Variants in TSTD1 observed in about 807,000 individuals in gnomAD.
The protein encoded by TSTD1 is thiosulfate sulfurtransferase like domain containing 1.
Under a neutral mutation model 12.6 loss-of-function variants are expected in TSTD1, and 7 were observed. The observed-to-expected ratio is 0.55, with a 90% CI of 0.32 to 1.04. The LOEUF is 1.04. Among genes scored for constraint, TSTD1 ranks in the 50% least tolerant of loss-of-function variants. The probability of loss-of-function intolerance (pLI) is 0.05; values close to 1 mark genes in which losing one functional copy is unlikely to be tolerated. For synonymous variants in TSTD1, 73 were observed against 59.7 expected (o/e 1.22, Z -1.03); for missense variants, 156 against 151.0 (o/e 1.03, Z -0.17).
In TSTD1 at chr1:161,037,978, G is replaced by A. The variant is rs1368198855; in HGVS notation, c.231C>T (p.Phe77=). 10 of 1,551,672 alleles carry A rather than the reference G, an allele frequency of 6.4e-6. No individual in the cohort carries two copies. The East Asian group carries it at 2.2e-4, about 34-fold the overall frequency. The part of the protein sequence containing the change: ...KPKLEDEHLV[F]FCQMGKRGLQ... ...GGCCCCGCTTGCCCATCTGACAGAA[G>A]AAAACGAGATGCTCATCTTCCAGCT... Residue 77 remains phenylalanine, a synonymous_variant, in exon 3 of 4, where the codon TTC becomes TTT. Coordinates refer to ENST00000423014, the MANE Select transcript of TSTD1 (RefSeq NM_001113207.2).
At chr1:161,038,297 T>C (rs887397810) in intron 2 of TSTD1, 2 of 671,974 alleles carry the variant, frequency 3.0e-6, no homozygotes, top group Admixed American at 3.0e-5. Flanking sequence ...GCGTCCAGAT[T>C]TGGGGAGGTC....
At chr1:161,037,885 C>T in intron 3 of TSTD1, 28 bp downstream of exon 3, 1 of 1,551,790 alleles carries the variant, frequency 6.4e-7, no homozygotes, top group Non-Finnish European at 8.7e-7. Flanking sequence ...CCCATCACCT[C>T]CCAGCTAGCA....
At position 161,037,956 on chromosome 1, in the gene TSTD1, C is replaced by T; in HGVS notation, c.253G>A (p.Gly85Ser). 3 of 1,551,812 alleles carry T rather than the reference C, an allele frequency of 1.9e-6. No individual in the cohort carries two copies. In the South Asian group the frequency reaches 3.6e-5, roughly 18 times the overall value. Residue 85 changes from glycine to serine, a missense_variant, in exon 3 of 4, where the codon GGC becomes AGC. Physicochemically the swap from Gly to Ser is moderately conservative, Grantham distance 56. Transcript: ENST00000423014. ...LVFFCQMGKR[G>S]LQATQLARSL... ...CGGGCCAGCTGCGTGGCCTGGAGGC[C>T]CCGCTTGCCCATCTGACAGAAGAAA...
chr1:161,037,885 C>A (rs933264400), intron 3 of TSTD1, 28 bp downstream of exon 3: 1 of 1,551,672 alleles, frequency 6.4e-7, no homozygotes. Flanking sequence ...CCCATCACCT[C>A]CCAGCTAGCA....
rs962444679 is a variant in TSTD1 at position 161,037,809 on chromosome 1, C to T, written c.314G>A (p.Gly105Glu). 5 of 1,551,644 alleles carry T rather than the reference C, an allele frequency of 3.2e-6. No homozygotes were observed. The highest frequency in any genetic ancestry group is 1.7e-4 in the Middle Eastern group (1 of 6,014). Residue 105 changes from glycine (G) to glutamate (E), a missense_variant, in exon 4 of 4, where the codon GGA (glycine) becomes GAA (glutamate). Coordinates refer to ENST00000423014, the MANE Select transcript of TSTD1 (RefSeq NM_001113207.2). ...LGYTGARNYA[G>E]AYREWLEKES ...TTTCTCCAACCATTCTCTATAGGCT[C>T]CAGCGTAGTTGCGAGCCCTGTGGAG...
rs944477427 is a variant in TSTD1 at position 161,038,924 on chromosome 1, G to C, written c.-35C>G. The C allele has an allele frequency of 2.6e-6, 4 of 1,548,590 alleles. No individual in the cohort carries two copies. The highest frequency in any genetic ancestry group is 3.9e-5 in the Admixed American group (2 of 50,924). On this transcript the variant is annotated 5_prime_UTR_variant, in exon 1 of 4. Transcript: ENST00000423014. ...AGCAACCGCGAGTCTCCGGAGTGCG[G>C]CCCTGGCCCGCCCTCTCGGCGCCTG...
intron 1 of TSTD1, 95 bp from the exon 2 acceptor site, chr1:161,038,768 G>T: frequency 6.6e-7 from 1 of 1,521,334 alleles, no homozygotes; most frequent in Non-Finnish European, 8.9e-7. Flanking sequence ...TCCCGGTAGG[G>T]TGTGCACGAA....
Position 161,038,913 on chromosome 1 carries a change from TC to T in TSTD1, c.-25del. On this transcript the variant is annotated 5_prime_UTR_variant, in exon 1 of 4. Coordinates refer to ENST00000423014, the MANE Select transcript of TSTD1 (RefSeq NM_001113207.2). ...ATGGTGCGCGTAGCAACCGCGAGTC[TC>T]CGGAGTGCGGCCCTGGCCCGCCCTC... 1 of 1,550,616 alleles carries T rather than the reference TC, an allele frequency of 6.4e-7. No homozygotes were observed. The highest frequency in any genetic ancestry group is 1.4e-5 in the African/African-American group (1 of 73,098).
intron 1 of TSTD1, 63 bp from the exon 2 acceptor site, chr1:161,038,736 T>A (rs1650348411): frequency 2.0e-6 from 3 of 1,522,160 alleles, no homozygotes; most frequent in East Asian, 5.0e-5. Flanking sequence ...CGCCATGGCA[T>A]CCCCTCACCT....
At position 161,038,930 on chromosome 1, in the gene TSTD1, G is replaced by C. The variant is rs1041419084; in HGVS notation, c.-41C>G. Reference sequence around the variant, plus strand: ...CGCGAGTCTCCGGAGTGCGGCCCTGGCCCGCCCTCTCGGCGCCTGCAACAT... The same window carrying C: ...CGCGAGTCTCCGGAGTGCGGCCCTGCCCCGCCCTCTCGGCGCCTGCAACAT... On this transcript the variant is annotated 5_prime_UTR_variant, in exon 1 of 4. Coordinates refer to ENST00000423014, the MANE Select transcript of TSTD1 (RefSeq NM_001113207.2). 9.0e-6 allele frequency: 14 copies of C among 1,548,222 alleles called. No individual in the cohort carries two copies. The Middle Eastern group carries it at 5.0e-4, about 55-fold the overall frequency.
Position 161,038,606 on chromosome 1 carries a change from C to T in TSTD1, c.78G>A (p.Val26=), listed in dbSNP as rs1342160891. The change falls in exon 2 of 4, where the codon GTG becomes GTA. Residue 26 remains valine, a synonymous_variant. Coordinates refer to ENST00000423014, the MANE Select transcript of TSTD1 (RefSeq NM_001113207.2). ...LASGRARLFD[V]RSREEAAAGT... The stretch of plus-strand genomic sequence containing the variant: ...CAGCTGCCGCCTCCTCGCGAGAGCG[C>T]ACGTCGAAGAGCCGGGCCCGTCCGG... 12 of 1,550,368 alleles carry T rather than the reference C, an allele frequency of 7.7e-6. No individual in the cohort carries two copies. In the Admixed American group the frequency reaches 7.8e-5, roughly 10 times the overall value.
chr1:161,038,319 G>A, intron 2 of TSTD1: 1 of 679,694 alleles, frequency 1.5e-6, no homozygotes, highest in Non-Finnish European at 2.4e-6. Context: ...AGAGAAGCTG[G>A]TCTGCCCCTC....
In TSTD1 at chr1:161,037,815, T is replaced by C; in HGVS notation, c.308A>G (p.Tyr103Cys). The C allele has an allele frequency of 6.4e-7, 1 of 1,551,758 alleles. No homozygotes were observed. The highest frequency in any genetic ancestry group is 8.7e-7 in the Non-Finnish European group (1 of 1,147,002). The change falls in exon 4 of 4, where the codon TAC (tyrosine) becomes TGC (cysteine). Residue 103 changes from tyrosine (Y) to cysteine (C), a missense_variant. Transcript: ENST00000423014. Reference protein sequence around the residue: ...RSLGYTGARNYAGAYREWLEK... With the variant: ...RSLGYTGARNCAGAYREWLEK... ...CAACCATTCTCTATAGGCTCCAGCG[T>C]AGTTGCGAGCCCTGTGGAGACAAAG...
Position 161,038,654 on chromosome 1 carries a change from A to T in TSTD1, c.30T>A (p.Pro10=), listed in dbSNP as rs1220331307. MAGAPTVSL[P]ELRSLLASGR... is the part of the protein sequence containing the mutation. ...CGGAGGCTAGGAGTGAACGGAGTTC[A>T]GGAAGCGAGACCGTGGGCGCTGAGG... The change falls in exon 2 of 4, where the codon CCT becomes CCA. Residue 10 remains proline, a synonymous_variant. Coordinates refer to ENST00000423014, the MANE Select transcript of TSTD1 (RefSeq NM_001113207.2). 1.9e-6 allele frequency: 3 copies of T among 1,548,762 alleles called. No individual in the cohort carries two copies. In the African/African-American group the frequency reaches 4.1e-5, roughly 21 times the overall value.
rs151164966 is a variant in TSTD1 at position 161,037,660 on chromosome 1, T to C, written c.*115A>G. ...ATTAAATGTTCTTTATTTGATGCTTTTGTGTGCACAACACTATAAGGAGTT... is the reference window on the plus strand; with the variant it reads ...ATTAAATGTTCTTTATTTGATGCTTCTGTGTGCACAACACTATAAGGAGTT... On this transcript the variant is annotated 3_prime_UTR_variant, in exon 4 of 4. Coordinates refer to ENST00000423014, the MANE Select transcript of TSTD1 (RefSeq NM_001113207.2). 1,982 of 1,097,278 alleles carry C rather than the reference T, an allele frequency of 1.8e-3. 21 individuals are homozygous for C. The African/African-American group carries it at 0.027, about 15-fold the overall frequency. 68.0% of individuals were successfully genotyped at this position (1,097,278 alleles called of 1,614,324 possible).
chr1:161,038,684 G>T lies in TSTD1; in HGVS notation c.11-11C>A. On this transcript the variant is annotated splice_polypyrimidine_tract_variant and intron_variant, in intron 1 of 3. Transcript: ENST00000423014. ...GCGAGACCGTGGGCGCTGAGGAAGGGGCGCGACAGCCTTCAGGAAGAGGGG... is the reference window on the plus strand; with the variant it reads ...GCGAGACCGTGGGCGCTGAGGAAGGTGCGCGACAGCCTTCAGGAAGAGGGG... 6.5e-7 allele frequency: 1 copy of T among 1,541,958 alleles called. No homozygotes were observed. Among genetic ancestry groups the T allele is most frequent in the Non-Finnish European group, 8.8e-7 (1 of 1,139,042 alleles).
rs1414351488 is a variant in TSTD1 at position 161,038,960 on chromosome 1, C to T, written c.-71G>A. 1 of 1,546,698 alleles carries T rather than the reference C, an allele frequency of 6.5e-7. No homozygotes were observed. The highest frequency in any genetic ancestry group is 2.5e-5 in the East Asian group (1 of 40,748). Reference sequence around the variant, plus strand: ...CCCTCTCGGCGCCTGCAACATCTCCCGTTCCCTCCCAGAGCTGAGACCGGA... The same window carrying T: ...CCCTCTCGGCGCCTGCAACATCTCCTGTTCCCTCCCAGAGCTGAGACCGGA... On this transcript the variant is annotated 5_prime_UTR_variant, in exon 1 of 4. Coordinates refer to ENST00000423014, the MANE Select transcript of TSTD1 (RefSeq NM_001113207.2).
Position 161,038,039 on chromosome 1 carries a change from G to A in TSTD1, c.170C>T (p.Ala57Val). Residue 57 changes from alanine (A) to valine (V), a missense_variant, in exon 3 of 4, where the codon GCT becomes GTT. Coordinates refer to ENST00000423014, the MANE Select transcript of TSTD1 (RefSeq NM_001113207.2). ...AGCAGAATATAAAGCCTGGAAGGCA[G>A]CTGGCTCCATCTGCAGAGCACTCTC... The part of the protein sequence containing the change: ...ELESALQMEP[A>V]AFQALYSAEK... 6.4e-7 allele frequency: 1 copy of A among 1,551,562 alleles called. No homozygotes were observed. The highest frequency in any genetic ancestry group is 2.4e-5 in the East Asian group (1 of 40,938).
Position 161,037,642 on chromosome 1 carries a change from G to T in TSTD1, c.*133C>A. 1.0e-6 allele frequency: 1 copy of T among 975,110 alleles called. No individual in the cohort carries two copies. Among genetic ancestry groups the T allele is most frequent in the Non-Finnish European group, 1.5e-6 (1 of 653,270 alleles). The allele number at this position is 975,110 out of a possible 1,614,324, so 60.4% of individuals were successfully genotyped here. A position where few individuals can be genotyped will look rare whatever the true frequency, so the allele number is the denominator to read the frequency against. The stretch of plus-strand genomic sequence containing the variant: ...AGTGCTTCCAATACTTTGATTAAAT[G>T]TTCTTTATTTGATGCTTTTGTGTGC... On this transcript the variant is annotated 3_prime_UTR_variant, in exon 4 of 4. Coordinates refer to ENST00000423014, the MANE Select transcript of TSTD1 (RefSeq NM_001113207.2).
Sources: allele counts gnomAD v4.1 joint callset, GRCh38; gene constraint gnomAD v4.1.1; transcripts MANE v1.5; gene names NCBI Gene and HGNC (gene_info 2026-07-23, HGNC 2026-07-21).